DNAH8: variants seen among roughly 807,000 people sequenced by gnomAD.
The protein encoded by DNAH8 is axonemal beta dynein heavy chain 8.
DNAH8 carries 382 observed loss-of-function variants against 562.1 expected under a neutral mutation model. The ratio of observed to expected loss-of-function variants is 0.68; its 90% CI spans 0.63 to 0.74. The LOEUF (loss-of-function observed/expected upper bound fraction) is 0.74. DNAH8 is among the 30% of genes least tolerant of loss of function. DNAH8 has a pLI of 0.00. For missense variants in DNAH8, 5,203 were observed against 5,620.4 expected, an observed-to-expected ratio of 0.93 and a Z score of 2.37; for synonymous variants, 1,881 against 1,919.4, an observed-to-expected ratio of 0.98 and a Z score of 0.52.
intron 1 of DNAH8, chr6:38,716,552 T>A (rs537352477): frequency 6.6e-6 from 1 of 152,322 alleles, no homozygotes; most frequent in East Asian, 1.9e-4. Context: ...TTTCTTTTTT[T>A]GTTTTTCAGA....
chr6:38,780,373 T>C (rs1474295890), intron 15 of DNAH8, among the ~76,000 whole-genome samples: 3 of 152,170 alleles, frequency 2.0e-5, no homozygotes, highest in Non-Finnish European at 4.4e-5. Flanking sequence ...CATTCTGTCA[T>C]AAAGACACAT....
In DNAH8 at chr6:38,873,508, C is replaced by G. The variant is rs1281316033; in HGVS notation, c.7620+132C>G. The G allele has an allele frequency of 1.2e-5, 9 of 770,684 alleles. No homozygotes were observed. The African/African-American group carries it at 1.6e-4, about 14-fold the overall frequency. 47.7% of individuals were successfully genotyped at this position (770,684 alleles called of 1,614,324 possible). ...ATTTGATGATGTGGCTGTAAAAGCT[C>G]TGATAATTTTGATTTCTATTAAAGA... On this transcript the variant is annotated intron_variant, in intron 52 of 92. Transcript: ENST00000327475.
intron 85 of DNAH8, among the ~76,000 whole-genome samples, chr6:38,977,161 G>A (rs1763730459): frequency 6.6e-6 from 1 of 152,248 alleles, no homozygotes; most frequent in Admixed American, 6.5e-5. Context: ...TTGGGCAGAA[G>A]AGTGGTGGAG....
chr6:38,965,373 A>C (rs918479241), intron 82 of DNAH8, among the ~76,000 whole-genome samples: 6 of 152,178 alleles, frequency 3.9e-5, no homozygotes, highest in Non-Finnish European at 8.8e-5. Context: ...TGAATTTTGA[A>C]ATGAAGGTAA....
intron 21 of DNAH8, among the ~76,000 whole-genome samples, chr6:38,797,660 G>C (rs1375622530): frequency 6.6e-6 from 1 of 152,170 alleles, no homozygotes; most frequent in East Asian, 1.9e-4. Context: ...TCATAAAGTA[G>C]ATGAAACCTA....
At chr6:38,923,394 C>A (rs1781869007) in intron 72 of DNAH8, 1 of 501,154 alleles carries the variant, frequency 2.0e-6, no homozygotes, top group Non-Finnish European at 3.3e-6. Flanking sequence ...TGTGGGTTTT[C>A]AGTATGAGAG....
chr6:38,860,514 T>C lies in DNAH8; in HGVS notation c.6016T>C (p.Tyr2006His). 6.6e-7 allele frequency: 1 copy of C among 1,504,182 alleles called. No individual in the cohort carries two copies. The highest frequency in any genetic ancestry group is 8.8e-7 in the Non-Finnish European group (1 of 1,131,336). 93.2% of individuals were successfully genotyped at this position (1,504,182 alleles called of 1,614,324 possible). ...TGAATGGCTAAAACAGAGTAGATTTTATTTTAAGGAAGATTTGGATCAAAC... is the reference window on the plus strand; with the variant it reads ...TGAATGGCTAAAACAGAGTAGATTTCATTTTAAGGAAGATTTGGATCAAAC... ...DFEWLKQSRF[Y>H]FKEDLDQTVV... is the part of the protein sequence containing the mutation. Residue 2006 changes from tyrosine (Y) to histidine (H), a missense_variant, in exon 43 of 93, where the codon TAT (tyrosine) becomes CAT (histidine). Tyr to His is a moderately conservative substitution (Grantham distance 83). Transcript: ENST00000327475.
chr6:38,961,049 C>G (rs192112522), intron 82 of DNAH8, among the ~76,000 whole-genome samples: 1 of 151,872 alleles, frequency 6.6e-6, no homozygotes, highest in Non-Finnish European at 1.5e-5. Flanking sequence ...TGGATGAATA[C>G]GGTGGGCATT....
At position 38,775,966 on chromosome 6, in the gene DNAH8, C is replaced by A. The variant is rs192638290; in HGVS notation, c.1962+15C>A. On this transcript the variant is annotated intron_variant, in intron 13 of 92. Transcript: ENST00000327475. The stretch of plus-strand genomic sequence containing the variant: ...ATGGTTTAGAGGTAAGTAATTATAC[C>A]TACTTTTACTTAGTAAAGCTGAAAA... The A allele has an allele frequency of 4.4e-5, 67 of 1,534,898 alleles. 1 individual carries two copies. In the African/African-American group the frequency reaches 8.0e-4, roughly 18 times the overall value.
At chr6:38,814,217 G>T (rs569876160) in intron 25 of DNAH8, 88 bp downstream of exon 25, 15 of 769,584 alleles carry the variant, frequency 1.9e-5, no homozygotes, top group Non-Finnish European at 2.8e-5. Flanking sequence ...TAACATTTTG[G>T]TCCTATGTCT....
intron 60 of DNAH8, among the ~76,000 whole-genome samples, chr6:38,896,554 G>A (rs1171553818): frequency 6.6e-6 from 1 of 151,254 alleles, no homozygotes; most frequent in Non-Finnish European, 1.5e-5. Flanking sequence ...TAGCCTGGGT[G>A]ACAGAATGAG....
intron 43 of DNAH8, among the ~76,000 whole-genome samples, chr6:38,861,732 C>T (rs1011215137): frequency 6.6e-6 from 1 of 152,126 alleles, no homozygotes; most frequent in Non-Finnish European, 1.5e-5. Flanking sequence ...CAGGGTTTCA[C>T]CGTATTGGCC....
intron 79 of DNAH8, among the ~76,000 whole-genome samples, chr6:38,942,771 G>A (rs1483628718): frequency 6.6e-6 from 1 of 152,174 alleles, no homozygotes; most frequent in East Asian, 1.9e-4. Flanking sequence ...TGGGAAGCCT[G>A]GAGGGCAGCC....
chr6:38,783,449 A>C (rs1768841521), intron 17 of DNAH8, among the ~76,000 whole-genome samples: 1 of 152,206 alleles, frequency 6.6e-6, no homozygotes, highest in Admixed American at 6.5e-5. Flanking sequence ...ATTCAGTTGT[A>C]TCATGATATA....
At chr6:38,946,369 C>T (rs1761428010) in intron 80 of DNAH8, among the ~76,000 whole-genome samples, 1 of 152,210 alleles carries the variant, frequency 6.6e-6, no homozygotes, top group South Asian at 2.1e-4. Flanking sequence ...ATTTCTGAAA[C>T]ATTGTGTAGA....
At chr6:38,903,757 G>A (rs182754742) in intron 62 of DNAH8, among the ~76,000 whole-genome samples, 9 of 151,544 alleles carry the variant, frequency 5.9e-5, no homozygotes, top group East Asian at 1.9e-4. Flanking sequence ...GATTACAGGC[G>A]AGCACCACCA....
chr6:38,899,338 G>A (rs2150505165), intron 61 of DNAH8, among the ~76,000 whole-genome samples: 1 of 152,342 alleles, frequency 6.6e-6, no homozygotes, highest in Non-Finnish European at 1.5e-5. Context: ...ATATGATAGA[G>A]TTAGTGTTCA....
At chr6:38,874,809 A>G (rs913730142) in intron 52 of DNAH8, among the ~76,000 whole-genome samples, 2 of 152,228 alleles carry the variant, frequency 1.3e-5, no homozygotes, top group African/African-American at 4.8e-5. Context: ...TTCTCAGTTA[A>G]GAGAGTCAGT....
At chr6:38,736,815 C>G (rs1347450083) in intron 5 of DNAH8, among the ~76,000 whole-genome samples, 1 of 152,082 alleles carries the variant, frequency 6.6e-6, no homozygotes, top group Non-Finnish European at 1.5e-5. Flanking sequence ...GGCTATTGTT[C>G]CTTTCCTATG....
Sources: allele counts gnomAD v4.1 joint callset (sites outside exome capture counted in the v4.1 genomes callset), GRCh38; gene constraint gnomAD v4.1.1; transcripts MANE v1.5; gene names NCBI Gene and HGNC (gene_info 2026-07-23, HGNC 2026-07-21).